Variants in LIMS1 observed in about 807,000 individuals in gnomAD.
The protein encoded by LIMS1 is LIM zinc finger domain containing 1, also known as LIM and senescent cell antigen-like-containing domain protein 1.
LIMS1 carries 18 observed loss-of-function variants against 44.1 expected under a neutral mutation model. The observed-to-expected ratio is 0.41, with a 90% CI of 0.28 to 0.61. The LOEUF (loss-of-function observed/expected upper bound fraction) is 0.61, where lower values mean the gene tolerates loss of function less well. Ranked by LOEUF, LIMS1 falls within the 20% of genes least tolerant of loss-of-function variation. The probability of loss-of-function intolerance (pLI) is 0.32; values close to 1 mark genes in which losing one functional copy is unlikely to be tolerated. For missense variants in LIMS1, 201 were observed against 422.0 expected (o/e 0.48, Z 4.59); for synonymous variants, 93 against 149.1 (o/e 0.62, Z 2.74).
chr2:108,676,084 G>A (rs1692541629), intron 6 of LIMS1, 56 bp downstream of exon 6: 15 of 1,531,956 alleles, frequency 9.8e-6, no homozygotes, highest in Middle Eastern at 2.0e-4. Context: ...TGATTAAGGG[G>A]TAACCAATAC....
chr2:108,625,425 T>A lies in LIMS1; in HGVS notation c.33-34180T>A, dbSNP rs541121290. ...TTCACAGAAAACCTGGGCTGACCCC[T>A]GGTCTAGTGCTGAGATAAGAACTCC... is the stretch of plus-strand genomic sequence containing the variant. On this transcript the variant is annotated intron_variant, in intron 1 of 9. Transcript: ENST00000544547. Among the ~76,000 whole-genome samples, 5 of 152,284 alleles carry A rather than the reference T, an allele frequency of 3.3e-5. No homozygotes were observed. In the South Asian group the frequency reaches 1.0e-3, roughly 32 times the overall value.
At chr2:108,534,402 T>C (rs576707315) in exon 1 of LIMS1, 27 of 331,182 alleles carry the variant, frequency 8.2e-5, no homozygotes, top group Admixed American at 3.5e-4. Flanking sequence ...CGCCTCGCCT[T>C]CCCCCCCCTC....
intron 1 of LIMS1, among the ~76,000 whole-genome samples, chr2:108,553,008 G>T (rs1173362490): frequency 6.6e-6 from 1 of 152,182 alleles, no homozygotes; most frequent in Non-Finnish European, 1.5e-5. Flanking sequence ...AATAAACGAA[G>T]TTTAATCAGG....
chr2:108,552,585 G>GGGGTGTGT (rs896993452), intron 1 of LIMS1, among the ~76,000 whole-genome samples: 3 of 101,872 alleles, frequency 2.9e-5, no homozygotes, highest in Admixed American at 1.3e-4. Flanking sequence ...ATATATTTTG[G>GGGGTGTGT]GTGTGTGTGT....
intron 1 of LIMS1, among the ~76,000 whole-genome samples, chr2:108,541,468 G>A (rs997632969): frequency 2.6e-5 from 4 of 152,298 alleles, no homozygotes; most frequent in Admixed American, 6.5e-5. Flanking sequence ...GTACAGTGCA[G>A]GTGCACCTGA....
intron 1 of LIMS1, among the ~76,000 whole-genome samples, chr2:108,539,670 A>G (rs1397503064): frequency 1.3e-5 from 2 of 152,172 alleles, no homozygotes; most frequent in Non-Finnish European, 1.5e-5. Context: ...CCAGGATGAG[A>G]GGGACATTTT....
chr2:108,586,831 A>G (rs1354224079), intron 1 of LIMS1, among the ~76,000 whole-genome samples: 1 of 152,138 alleles, frequency 6.6e-6, no homozygotes, highest in African/African-American at 2.4e-5. Context: ...GTTTATGTCC[A>G]TGACATAGGA....
intron 1 of LIMS1, among the ~76,000 whole-genome samples, chr2:108,570,235 A>C (rs1364647697): frequency 6.6e-6 from 1 of 152,152 alleles, no homozygotes; most frequent in Non-Finnish European, 1.5e-5. Context: ...GTTCAAGACC[A>C]GTCTGGTCAA....
intron 2 of LIMS1, among the ~76,000 whole-genome samples, chr2:108,667,551 A>AAAAT (rs765279788): frequency 6.0e-4 from 78 of 130,470 alleles, no homozygotes; most frequent in South Asian, 9.9e-4. Flanking sequence ...AAAAAAAAAA[A>AAAAT]ATATATATAT....
intron 1 of LIMS1, among the ~76,000 whole-genome samples, chr2:108,578,292 A>G (rs1046366904): frequency 2.0e-5 from 3 of 152,166 alleles, no homozygotes; most frequent in East Asian, 3.8e-4. Context: ...TTATCATTCA[A>G]TTATTTTTAA....
intron 1 of LIMS1, among the ~76,000 whole-genome samples, chr2:108,615,324 T>C (rs928602128): frequency 9.2e-5 from 14 of 152,118 alleles, no homozygotes; most frequent in Non-Finnish European, 1.9e-4. Flanking sequence ...CAGAAGCAAG[T>C]TTACTACATT....
intron 1 of LIMS1, among the ~76,000 whole-genome samples, chr2:108,654,602 C>T (rs1169229273): frequency 1.3e-5 from 2 of 152,126 alleles, no homozygotes; most frequent in African/African-American, 4.8e-5. Context: ...CCAGCAGCCT[C>T]AGCCTCAGGG....
intron 2 of LIMS1, among the ~76,000 whole-genome samples, chr2:108,665,581 C>G (rs1010214885): frequency 6.6e-6 from 1 of 151,996 alleles, no homozygotes; most frequent in African/African-American, 2.4e-5. Context: ...GGCTGGAGTG[C>G]AGTGGTGTGA....
At chr2:108,668,910 T>G (rs2148991409) in intron 2 of LIMS1, among the ~76,000 whole-genome samples, 2 of 152,310 alleles carry the variant, frequency 1.3e-5, no homozygotes, top group East Asian at 3.9e-4. Flanking sequence ...GCATATCAAT[T>G]TATTCTCTTC....
At chr2:108,675,989 G>T (rs778017242) in exon 6 of LIMS1, 12 of 1,614,080 alleles carry the variant, frequency 7.4e-6, no homozygotes, top group Non-Finnish European at 1.0e-5. Context: ...CCATCGAAGG[G>T]CGCGTGGTGA....
At chr2:108,606,630 G>A (rs1687281316) in intron 1 of LIMS1, among the ~76,000 whole-genome samples, 1 of 152,338 alleles carries the variant, frequency 6.6e-6, no homozygotes, top group Non-Finnish European at 1.5e-5. Flanking sequence ...ATTTCAGTGA[G>A]GAAGAGCAAC....
intron 1 of LIMS1, among the ~76,000 whole-genome samples, chr2:108,605,437 C>T (rs1687220538): frequency 6.6e-6 from 1 of 152,176 alleles, no homozygotes; most frequent in Non-Finnish European, 1.5e-5. Flanking sequence ...TAGAAACCTA[C>T]ATGTGTCAAG....
intron 1 of LIMS1, chr2:108,588,298 A>G (rs1395578395): frequency 2.0e-6 from 2 of 984,164 alleles, no homozygotes; most frequent in Non-Finnish European, 2.4e-6. Flanking sequence ...ACTTGGTTTC[A>G]TTGGCTCAAA....
At chr2:108,609,388 G>C (rs1352616737) in intron 1 of LIMS1, among the ~76,000 whole-genome samples, 8 of 151,990 alleles carry the variant, frequency 5.3e-5, no homozygotes, top group Non-Finnish European at 1.2e-4. Flanking sequence ...TTCTAACCTT[G>C]TGTGGCTTAT....
Sources: allele counts gnomAD v4.1 joint callset (sites outside exome capture counted in the v4.1 genomes callset), GRCh38; gene constraint gnomAD v4.1.1; transcripts MANE v1.5; gene names NCBI Gene and HGNC (gene_info 2026-07-23, HGNC 2026-07-21).